The following MYH10 variants were observed in gnomAD, a reference collection of about 807,000 sequenced individuals.
The protein encoded by MYH10 is myosin heavy chain 10.
MYH10 carries 55 observed loss-of-function variants against 257.8 expected under a neutral mutation model. The ratio of observed to expected loss-of-function variants is 0.21; its 90% CI spans 0.17 to 0.27. The LOEUF (loss-of-function observed/expected upper bound fraction) is 0.27, where lower values mean the gene tolerates loss of function less well. MYH10 is among the 10% of genes least tolerant of loss of function. MYH10 has a pLI of 1.00. For synonymous variants in MYH10, 854 were observed against 921.7 expected, an observed-to-expected ratio of 0.93 and a Z score of 1.33; for missense variants, 1,631 against 2,500.6, an observed-to-expected ratio of 0.65 and a Z score of 7.42.
chr17:8,497,643 G>A (rs1916838486), intron 30 of MYH10, among the ~76,000 whole-genome samples: 2 of 147,932 alleles, frequency 1.4e-5, no homozygotes, highest in African/African-American at 2.5e-5. Flanking sequence ...GGAGGCTGAG[G>A]CAGGAGAATT....
At chr17:8,621,005 C>T (rs1663342998) in intron 2 of MYH10, among the ~76,000 whole-genome samples, 1 of 152,166 alleles carries the variant, frequency 6.6e-6, no homozygotes, top group African/African-American at 2.4e-5. Flanking sequence ...TGTGGAATGG[C>T]TGCAAAACAA....
chr17:8,534,382 C>G (rs1221081850), intron 16 of MYH10, among the ~76,000 whole-genome samples: 2 of 152,112 alleles, frequency 1.3e-5, no homozygotes, highest in African/African-American at 4.8e-5. Flanking sequence ...TTCAGTGCAT[C>G]CCCCCCTGCA....
chr17:8,595,573 C>T (rs1031986705), intron 3 of MYH10, among the ~76,000 whole-genome samples: 2 of 151,840 alleles, frequency 1.3e-5, no homozygotes, highest in African/African-American at 4.8e-5. Flanking sequence ...GCTGGGATTA[C>T]AGGAATTCGC....
intron 7 of MYH10, among the ~76,000 whole-genome samples, chr17:8,559,970 T>C (rs572831908): frequency 3.3e-4 from 51 of 152,338 alleles, no homozygotes; most frequent in African/African-American, 1.0e-3. Flanking sequence ...CGTGACTGCC[T>C]GGGCAAATGC....
At chr17:8,526,186 T>G (rs1374605852) in intron 17 of MYH10, among the ~76,000 whole-genome samples, 16 of 152,224 alleles carry the variant, frequency 1.1e-4, no homozygotes, top group African/African-American at 3.6e-4. Context: ...CATTAAATGA[T>G]TTGAGCCACA....
At chr17:8,486,519 A>AAAAAAAATCTTTATAT (rs1914806157) in intron 36 of MYH10, among the ~76,000 whole-genome samples, 8 of 150,242 alleles carry the variant, frequency 5.3e-5, no homozygotes, top group African/African-American at 1.5e-4. Flanking sequence ...AAAAAAACAA[A>AAAAAAAATCTTTATAT]AAAAAAATCT....
chr17:8,590,250 A>C (rs1254305816), intron 3 of MYH10, among the ~76,000 whole-genome samples: 1 of 152,164 alleles, frequency 6.6e-6, no homozygotes, highest in African/African-American at 2.4e-5. Flanking sequence ...CCATTCATAT[A>C]CTCTATGTAT....
chr17:8,605,852 T>C (rs901799511), intron 2 of MYH10, among the ~76,000 whole-genome samples: 6 of 152,326 alleles, frequency 3.9e-5, no homozygotes, highest in African/African-American at 1.4e-4. Flanking sequence ...AAATGACATG[T>C]TATAAGAAAA....
Position 8,477,652 on chromosome 17 carries a change from G to C in MYH10, c.5707-604C>G, listed in dbSNP as rs1912901977. ...TGCTAGGCCCCAAGGGTGGGGGTGG[G>C]AAGGGAAGGCCAGGTTGCCTGACTG... is the stretch of plus-strand genomic sequence containing the variant. On this transcript the variant is annotated intron_variant, in intron 41 of 42. Coordinates refer to ENST00000360416, the MANE Select transcript of MYH10 (RefSeq NM_001256012.3). The surrounding 1 kb of genome is among the most constrained non-coding windows in gnomAD (Gnocchi z 4.2). Among the ~76,000 whole-genome samples the C allele has an allele frequency of 6.6e-6, 1 of 152,178 alleles. No individual in the cohort carries two copies. Among genetic ancestry groups the C allele is most frequent in the African/African-American group, 2.4e-5 (1 of 41,436 alleles).
At chr17:8,609,611 G>A (rs985583219) in intron 2 of MYH10, among the ~76,000 whole-genome samples, 1 of 152,050 alleles carries the variant, frequency 6.6e-6, no homozygotes, top group African/African-American at 2.4e-5. Flanking sequence ...AAAAATAGGT[G>A]ACCAGGGCCA....
intron 10 of MYH10, 116 bp from the exon 11 acceptor site, chr17:8,548,524 T>C: frequency 7.0e-7 from 1 of 1,427,952 alleles, no homozygotes; most frequent in Non-Finnish European, 9.5e-7. Context: ...GTAAGACATG[T>C]CTTTTCAGGA....
intron 3 of MYH10, 140 bp from the exon 4 acceptor site, chr17:8,589,248 C>G (rs887235111): frequency 1.1e-5 from 8 of 733,348 alleles, no homozygotes; most frequent in Non-Finnish European, 1.8e-5. Flanking sequence ...TGCCTCCAAC[C>G]CCATTATACA....
intron 11 of MYH10, among the ~76,000 whole-genome samples, chr17:8,546,952 T>C (rs2082464426): frequency 6.6e-6 from 1 of 152,126 alleles, no homozygotes; most frequent in Non-Finnish European, 1.5e-5. Context: ...GGATGGAGTG[T>C]AGTGGCTATT....
chr17:8,513,808 T>C lies in MYH10; in HGVS notation c.2591A>G (p.Gln864Arg), dbSNP rs2081375613. 1.2e-6 allele frequency: 2 copies of C among 1,614,068 alleles called. No homozygotes were observed. The highest frequency in any genetic ancestry group is 1.7e-5 in the Admixed American group (1 of 60,002). ...CACCTTTGTGAAGACTCGCCACCAC[T>C]GCCAGTGCCGTAATTTCAGGTACGC... is the stretch of plus-strand genomic sequence containing the variant. ...CAAYLKLRHW[Q>R]WWRVFTKVKP... Residue 864 changes from glutamine (Q) to arginine (R), a missense_variant, in exon 22 of 43, where the codon CAG becomes CGG. By Grantham distance (43) the Gln-to-Arg change is conservative. Coordinates refer to ENST00000360416, the MANE Select transcript of MYH10 (RefSeq NM_001256012.3).
At chr17:8,503,182 C>T (rs1282509196) in intron 28 of MYH10, among the ~76,000 whole-genome samples, 1 of 152,138 alleles carries the variant, frequency 6.6e-6, no homozygotes, top group Non-Finnish European at 1.5e-5. Flanking sequence ...ACTCGGGAGG[C>T]TGAGGCAGGA....
intron 3 of MYH10, among the ~76,000 whole-genome samples, chr17:8,592,352 A>T (rs1359717382): frequency 6.6e-6 from 1 of 152,116 alleles, no homozygotes; most frequent in Non-Finnish European, 1.5e-5. Context: ...AATCAATGAA[A>T]CCAAATGTTC....
At chr17:8,607,031 A>G (rs1308742263) in intron 2 of MYH10, among the ~76,000 whole-genome samples, 1 of 152,236 alleles carries the variant, frequency 6.6e-6, no homozygotes, top group Non-Finnish European at 1.5e-5. Context: ...ATGAGGAACA[A>G]TAAAAATAAA....
intron 9 of MYH10, among the ~76,000 whole-genome samples, chr17:8,549,120 A>C (rs1444938081): frequency 6.6e-6 from 1 of 152,234 alleles, no homozygotes; most frequent in Non-Finnish European, 1.5e-5. Flanking sequence ...TTGTTTTCAG[A>C]TTTAAATATT....
At chr17:8,577,826 C>T (rs563210103) in intron 4 of MYH10, among the ~76,000 whole-genome samples, 2 of 152,230 alleles carry the variant, frequency 1.3e-5, no homozygotes, top group South Asian at 2.1e-4. Flanking sequence ...GCCACTGTGC[C>T]CAGCCAACCC....
Sources: gnomAD v4.1 joint callset for allele counts (sites outside exome capture counted in the v4.1 genomes callset) on GRCh38, gnomAD v4.1.1 for gene constraint, Gnocchi (gnomAD v3.1) non-coding constraint, MANE v1.5 for transcripts, NCBI Gene and HGNC (gene_info 2026-07-23, HGNC 2026-07-21) for gene names.